EXOG: variants seen among roughly 807,000 people sequenced by gnomAD.
EXOG encodes exo/endonuclease G, also known as nuclease EXOG, mitochondrial.
A neutral mutation model predicts 25.8 loss-of-function variants in EXOG; 27 were observed. The observed-to-expected ratio is 1.05, with a 90% CI of 0.77 to 1.45. The LOEUF (loss-of-function observed/expected upper bound fraction) is 1.45, where lower values mean the gene tolerates loss of function less well. Among genes scored for constraint, EXOG ranks in the 40% most tolerant of loss-of-function variants. EXOG has a pLI of 0.00. For synonymous variants in EXOG, 133 were observed against 167.0 expected, an observed-to-expected ratio of 0.80 and a Z score of 1.57; for missense variants, 458 against 450.5, an observed-to-expected ratio of 1.02 and a Z score of -0.15.
chr3:38,499,416 C>T (rs1004188736), intron 2 of EXOG, among the ~76,000 whole-genome samples: 1 of 152,166 alleles, frequency 6.6e-6, no homozygotes, highest in African/African-American at 2.4e-5. Context: ...AAAACCTGGG[C>T]ATTTTATATT....
chr3:38,511,273 T>C (rs1212206723), intron 5 of EXOG, among the ~76,000 whole-genome samples: 1 of 152,170 alleles, frequency 6.6e-6, no homozygotes, highest in African/African-American at 2.4e-5. Context: ...ACCTGCAGTA[T>C]TGCAGAGGCC....
chr3:38,508,994 TA>T (rs1269889474), intron 5 of EXOG, among the ~76,000 whole-genome samples: 4 of 152,234 alleles, frequency 2.6e-5, no homozygotes, highest in African/African-American at 9.6e-5. Context: ...ATTAGTATTT[TA>T]AAATTAATTC....
In EXOG at chr3:38,523,983, C is replaced by T. The variant is rs1270425603; in HGVS notation, c.728C>T (p.Pro243Leu). The T allele has an allele frequency of 1.9e-6, 3 of 1,613,638 alleles. No homozygotes were observed. In the Admixed American group the frequency reaches 5.0e-5, roughly 27 times the overall value. ...CGCAGAAGCTCAGTATCTACCGAAC[C>T]ACTGGCGCTAGGGGCCTTTGTGGTA... ...LARRSSVSTEPLALGAFVVPN... is the reference protein window; with the variant it reads ...LARRSSVSTELLALGAFVVPN... The change falls in exon 6 of 6, where the codon CCA becomes CTA. Residue 243 changes from proline to leucine, a missense_variant. Pro to Leu is a moderately conservative substitution (Grantham distance 98). Transcript: ENST00000287675.
At chr3:38,508,034 G>C (rs1172254333) in intron 5 of EXOG, among the ~76,000 whole-genome samples, 1 of 152,140 alleles carries the variant, frequency 6.6e-6, no homozygotes, top group South Asian at 2.1e-4. Flanking sequence ...GGGAGTCTGA[G>C]GCAGAAGAAT....
At chr3:38,514,056 A>G (rs566857601) in intron 5 of EXOG, among the ~76,000 whole-genome samples, 2 of 152,338 alleles carry the variant, frequency 1.3e-5, no homozygotes, top group East Asian at 1.9e-4. Flanking sequence ...TTCAAGGAGC[A>G]GTGCTCTGCT....
At chr3:38,515,543 T>C in intron 5 of EXOG, 1 of 189,680 alleles carries the variant, frequency 5.3e-6, no homozygotes, top group South Asian at 1.3e-4. Flanking sequence ...AGCTCCTCGG[T>C]GAGGAACTCG....
chr3:38,505,079 A>G (rs1458861827), intron 4 of EXOG, among the ~76,000 whole-genome samples: 1 of 152,224 alleles, frequency 6.6e-6, no homozygotes, highest in Non-Finnish European at 1.5e-5. Context: ...ATATAACCAC[A>G]GTATTATTAA....
chr3:38,504,365 C>CA (rs11452712), intron 4 of EXOG, among the ~76,000 whole-genome samples: 86,760 of 149,502 alleles, frequency 0.58, 27,497 homozygotes, highest in African/African-American at 0.84. Flanking sequence ...GACCCTATCT[C>CA]AAAAAAAAAA....
At position 38,525,154 on chromosome 3, in the gene EXOG, A is replaced by G. The variant is rs1035129769; in HGVS notation, c.*792A>G. On this transcript the variant is annotated 3_prime_UTR_variant, in exon 6 of 6. Coordinates refer to ENST00000287675, the MANE Select transcript of EXOG (RefSeq NM_005107.4). ...AGTGCTTTACATGTGTTGTCTCACA[A>G]TGACTCTCTGAGGTAAATACACTAT... is the stretch of plus-strand genomic sequence containing the variant. The G allele has an allele frequency of 2.8e-5, 26 of 923,792 alleles. No homozygotes were observed. Among genetic ancestry groups the G allele is most frequent in the Non-Finnish European group, 3.4e-5 (26 of 774,392 alleles). 57.2% of individuals were successfully genotyped at this position (923,792 alleles called of 1,614,324 possible).
intron 3 of EXOG, among the ~76,000 whole-genome samples, chr3:38,502,261 G>A (rs919084014): frequency 1.3e-5 from 2 of 150,258 alleles, no homozygotes; most frequent in African/African-American, 4.9e-5. Flanking sequence ...ACAGAGTCTC[G>A]CTTTGATGCC....
intron 2 of EXOG, chr3:38,500,285 G>A (rs2060009057): frequency 6.6e-6 from 1 of 152,266 alleles, no homozygotes; most frequent in Non-Finnish European, 1.5e-5. Flanking sequence ...AATACTGCTA[G>A]ACACCTTACA....
At chr3:38,519,755 C>G (rs2060650544) in intron 5 of EXOG, among the ~76,000 whole-genome samples, 1 of 152,132 alleles carries the variant, frequency 6.6e-6, no homozygotes, top group South Asian at 2.1e-4. Context: ...GAACAGGTAC[C>G]CCAGTGTGAG....
chr3:38,505,634 A>G (rs1410722308), intron 4 of EXOG: 1 of 152,146 alleles, frequency 6.6e-6, no homozygotes, highest in Non-Finnish European at 1.5e-5. Flanking sequence ...GAATGAGGAC[A>G]TGCATTGTTA....
intron 2 of EXOG, chr3:38,498,035 T>C: frequency 2.5e-6 from 1 of 399,388 alleles, no homozygotes; most frequent in Non-Finnish European, 4.4e-6. Context: ...ATTACAGCAA[T>C]GAGCACCATT....
Position 38,524,573 on chromosome 3 carries a change from T to G in EXOG, c.*211T>G. ...TGGGCTTAAGCAATCCTCCTGCCTC[T>G]GCCCCCTGAGCAGCTGGGACTACAG... On this transcript the variant is annotated 3_prime_UTR_variant, in exon 6 of 6. Coordinates refer to ENST00000287675, the MANE Select transcript of EXOG (RefSeq NM_005107.4). 1 of 1,256,130 alleles carries G rather than the reference T, an allele frequency of 8.0e-7. No individual in the cohort carries two copies. The highest frequency in any genetic ancestry group is 1.0e-6 in the Non-Finnish European group (1 of 986,342). The allele number at this position is 1,256,130 out of a possible 1,614,324, so 77.8% of individuals were successfully genotyped here. A position where few individuals can be genotyped will look rare whatever the true frequency, so the allele number is the denominator to read the frequency against.
At position 38,525,517 on chromosome 3, in the gene EXOG, C is replaced by T. The variant is rs553098061; in HGVS notation, c.*1155C>T. On this transcript the variant is annotated 3_prime_UTR_variant, in exon 6 of 6. Transcript: ENST00000287675. ...TCAGGAATATTTGGGAATTAGACGG[C>T]AATACTTTGTGGGGTTTATTAGAGC... 11 of 985,262 alleles carry T rather than the reference C, an allele frequency of 1.1e-5. No individual in the cohort carries two copies. The highest frequency in any genetic ancestry group is 1.3e-5 in the Non-Finnish European group (11 of 829,914). The allele number at this position is 985,262 out of a possible 1,614,324, so 61.0% of individuals were successfully genotyped here.
At chr3:38,511,684 G>C (rs936949704) in intron 5 of EXOG, among the ~76,000 whole-genome samples, 4 of 152,154 alleles carry the variant, frequency 2.6e-5, no homozygotes, top group South Asian at 2.1e-4. Flanking sequence ...GGAAAGGCAG[G>C]GTGGTTATAG....
chr3:38,516,654 A>G (rs1403086357), intron 5 of EXOG, among the ~76,000 whole-genome samples: 2 of 152,016 alleles, frequency 1.3e-5, no homozygotes, highest in African/African-American at 4.8e-5. Flanking sequence ...CCATATTGAA[A>G]TTTTACAAAT....
At chr3:38,507,840 A>G (rs963394076) in intron 5 of EXOG, among the ~76,000 whole-genome samples, 2 of 152,182 alleles carry the variant, frequency 1.3e-5, no homozygotes, top group African/African-American at 4.8e-5. Flanking sequence ...CCAGGATAAC[A>G]ACTAGATTGC....
Sources: allele counts gnomAD v4.1 joint callset (sites outside exome capture counted in the v4.1 genomes callset), GRCh38; gene constraint gnomAD v4.1.1; transcripts MANE v1.5; gene names NCBI Gene and HGNC (gene_info 2026-07-23, HGNC 2026-07-21).